The following NRG4 variants were observed in gnomAD, a reference collection of about 807,000 sequenced individuals.
The protein encoded by NRG4 is pro-neuregulin-4, membrane-bound isoform.
A neutral mutation model predicts 15.0 loss-of-function variants in NRG4; 10 were observed. The ratio of observed to expected loss-of-function variants is 0.67; its 90% CI spans 0.41 to 1.13. The LOEUF is 1.13. Among genes scored for constraint, NRG4 ranks in the 50% most tolerant of loss-of-function variants. The pLI is 0.00. For missense variants in NRG4, 139 were observed against 140.2 expected (o/e 0.99, Z 0.04); for synonymous variants, 41 against 50.1 (o/e 0.82, Z 0.77).
chr15:75,986,255 C>T (rs898656455), intron 3 of NRG4, among the ~76,000 whole-genome samples: 1 of 152,182 alleles, frequency 6.6e-6, no homozygotes, highest in African/African-American at 2.4e-5. Context: ...TAAGAATTCA[C>T]ATTCCTACCC....
chr15:76,041,124 C>A (rs778052945), intron 4 of NRG4, among the ~76,000 whole-genome samples: 3 of 151,942 alleles, frequency 2.0e-5, no homozygotes, highest in Admixed American at 6.6e-5. Flanking sequence ...ATAGTATTTG[C>A]AAGCTTTATG....
intron 3 of NRG4, among the ~76,000 whole-genome samples, chr15:76,007,552 C>T (rs1372276396): frequency 6.6e-6 from 1 of 151,624 alleles, no homozygotes; most frequent in Non-Finnish European, 1.5e-5. Flanking sequence ...GCCTCAGCCT[C>T]CCGAGTAGCT....
intron 4 of NRG4, among the ~76,000 whole-genome samples, chr15:76,040,408 C>A (rs952460447): frequency 6.6e-6 from 1 of 152,036 alleles, no homozygotes; most frequent in African/African-American, 2.4e-5. Context: ...TCAGACCTGT[C>A]CTACAAGAAA....
rs78194788 is a variant in NRG4 at position 75,989,992 on chromosome 15, C to T, written c.104+19208G>A. Among the ~76,000 whole-genome samples, 823 of 152,236 alleles carry T rather than the reference C, an allele frequency of 5.4e-3. 10 individuals are homozygous for T. Among genetic ancestry groups the T allele is most frequent in the African/African-American group, 0.019 (772 of 41,552 alleles). Reference sequence around the variant, plus strand: ...ATGGAGTAGCATTTAGGCCGACTTTCGCTCTAATCCTCAAGAGTGACTCTT... The same window carrying T: ...ATGGAGTAGCATTTAGGCCGACTTTTGCTCTAATCCTCAAGAGTGACTCTT... On this transcript the variant is annotated intron_variant, in intron 3 of 5. Transcript: ENST00000394907.
chr15:75,941,245 C>T lies in NRG4; in HGVS notation c.*2393G>A, dbSNP rs565827672. The T allele has an allele frequency of 2.6e-5, 4 of 151,970 alleles. No homozygotes were observed. Among genetic ancestry groups the T allele is most frequent in the African/African-American group, 7.3e-5 (3 of 41,358 alleles). 9.4% of individuals were successfully genotyped at this position (151,970 alleles called of 1,614,324 possible). A position where few individuals can be genotyped will look rare whatever the true frequency, so the allele number is the denominator to read the frequency against. On this transcript the variant is annotated 3_prime_UTR_variant, in exon 6 of 6. Transcript: ENST00000394907. ...ACCACATTGAGATACCACTTCATAC[C>T]CACTGGGATAGCTCTTATTAAAATT...
At chr15:75,945,020 A>G (rs1196666411) in intron 5 of NRG4, among the ~76,000 whole-genome samples, 1 of 152,042 alleles carries the variant, frequency 6.6e-6, no homozygotes, top group Non-Finnish European at 1.5e-5. Flanking sequence ...GATTCTAAAA[A>G]ATAAGTCCTT....
chr15:75,959,091 C>T (rs780412143), intron 4 of NRG4: 22 of 382,992 alleles, frequency 5.7e-5, no homozygotes, highest in Non-Finnish European at 5.2e-6. Flanking sequence ...AAGCGATCTT[C>T]CCATCTCAGC....
intron 4 of NRG4, among the ~76,000 whole-genome samples, chr15:76,044,396 G>T (rs1208472062): frequency 6.6e-6 from 1 of 150,746 alleles, no homozygotes; most frequent in Admixed American, 6.6e-5. Flanking sequence ...ATATCCATAT[G>T]CAGAAGAATG....
At chr15:76,048,652 C>T (rs756065521) in intron 4 of NRG4, among the ~76,000 whole-genome samples, 11 of 150,682 alleles carry the variant, frequency 7.3e-5, no homozygotes, top group Non-Finnish European at 1.5e-4. Flanking sequence ...TCATAGTGCT[C>T]CCCACCCTCA....
intron 5 of NRG4, among the ~76,000 whole-genome samples, chr15:76,018,050 G>T (rs754279081): frequency 1.3e-5 from 2 of 151,608 alleles, no homozygotes; most frequent in African/African-American, 4.8e-5. Flanking sequence ...CTCTAATCTT[G>T]TCTTCACACT....
At chr15:76,020,258 T>A (rs1283775991) in intron 5 of NRG4, among the ~76,000 whole-genome samples, 8 of 152,154 alleles carry the variant, frequency 5.3e-5, no homozygotes, top group Admixed American at 5.2e-4. Flanking sequence ...AACCCTACAA[T>A]GGCCCCTAAG....
chr15:76,011,058 CA>C (rs1052593557), intron 2 of NRG4, among the ~76,000 whole-genome samples, 162 bp downstream of exon 2: 10 of 152,046 alleles, frequency 6.6e-5, no homozygotes, highest in Non-Finnish European at 1.5e-4. Context: ...GAAGGTCTCT[CA>C]AAACCAAATA....
rs557564907 is a variant in NRG4 at position 76,054,494 on chromosome 15, A to C, written c.-261-1511T>G. The stretch of plus-strand genomic sequence containing the variant: ...CAGTGGCACGATCTTGGCTCACTGC[A>C]ACCTCCGCCTCCCCGGTTCAAGCGA... On this transcript the variant is annotated intron_variant, in intron 2 of 8. Transcript: ENST00000563910. Among the ~76,000 whole-genome samples, 6 of 152,112 alleles carry C rather than the reference A, an allele frequency of 3.9e-5. No homozygotes were observed. In the South Asian group the frequency reaches 1.2e-3, roughly 31 times the overall value.
chr15:75,991,913 A>G (rs577519339), intron 3 of NRG4, among the ~76,000 whole-genome samples: 73 of 152,086 alleles, frequency 4.8e-4, no homozygotes, highest in African/African-American at 1.7e-3. Context: ...CTACCATCCC[A>G]CTGTTTCTCT....
chr15:76,053,712 C>T (rs1025050537), intron 2 of NRG4, among the ~76,000 whole-genome samples: 2 of 150,400 alleles, frequency 1.3e-5, no homozygotes, highest in Admixed American at 6.6e-5. Context: ...TATACTACGA[C>T]GCCCAGCTAA....
At chr15:75,972,400 T>A (rs2033138595) in intron 3 of NRG4, among the ~76,000 whole-genome samples, 1 of 152,240 alleles carries the variant, frequency 6.6e-6, no homozygotes, top group Non-Finnish European at 1.5e-5. Flanking sequence ...AATTTTGGCT[T>A]TTGTTGCCAT....
At chr15:75,968,676 A>G (rs920186092) in intron 3 of NRG4, among the ~76,000 whole-genome samples, 1 of 151,702 alleles carries the variant, frequency 6.6e-6, no homozygotes, top group Non-Finnish European at 1.5e-5. Flanking sequence ...TGAGGTGGGT[A>G]GATGGCTTGA....
intron 3 of NRG4, among the ~76,000 whole-genome samples, chr15:76,006,303 G>A (rs2034604203): frequency 6.6e-6 from 1 of 152,162 alleles, no homozygotes; most frequent in South Asian, 2.1e-4. Context: ...ACAGAAAACA[G>A]TATGAAGTGG....
intron 1 of NRG4, among the ~76,000 whole-genome samples, chr15:76,057,608 T>C (rs1381156799): frequency 6.6e-6 from 1 of 152,136 alleles, no homozygotes; most frequent in African/African-American, 2.4e-5. Flanking sequence ...GGAGGTGCTG[T>C]GAAGTAAGAC....
Sources: gnomAD v4.1 joint callset for allele counts (sites outside exome capture counted in the v4.1 genomes callset) on GRCh38, gnomAD v4.1.1 for gene constraint, MANE v1.5 for transcripts, NCBI Gene and HGNC (gene_info 2026-07-23, HGNC 2026-07-21) for gene names.